Variants in FER1L6 observed in about 807,000 individuals in gnomAD.
The protein encoded by FER1L6 is fer-1 like family member 6.
Under a neutral mutation model 219.2 loss-of-function variants are expected in FER1L6, and 177 were observed. That is an observed-to-expected ratio of 0.81 (90% confidence interval 0.71 to 0.91). The LOEUF (loss-of-function observed/expected upper bound fraction) is 0.91. FER1L6 is among the 40% of genes least tolerant of loss of function. FER1L6 has a pLI of 0.00. For missense variants in FER1L6, 2,153 were observed against 2,259.9 expected (o/e 0.95, Z 0.96); for synonymous variants, 768 against 824.3 (o/e 0.93, Z 1.17).
At chr8:124,099,259 C>T (rs1822444878) in intron 37 of FER1L6, among the ~76,000 whole-genome samples, 1 of 152,216 alleles carries the variant, frequency 6.6e-6, no homozygotes, top group Admixed American at 6.5e-5. Context: ...AATTTTCATT[C>T]TTGACAACTC....
intron 14 of FER1L6, 54 bp downstream of exon 14, chr8:124,010,768 G>A: frequency 5.0e-6 from 8 of 1,598,838 alleles, no homozygotes; most frequent in Non-Finnish European, 6.8e-6. Context: ...GGTGGGGGAA[G>A]GGATTTTTAA....
intron 12 of FER1L6, among the ~76,000 whole-genome samples, chr8:123,991,107 C>G (rs145666065): frequency 6.6e-6 from 1 of 152,194 alleles, no homozygotes; most frequent in Non-Finnish European, 1.5e-5. Context: ...GTTTTAGTAA[C>G]TATATCCTTG....
intron 18 of FER1L6, among the ~76,000 whole-genome samples, chr8:124,024,991 C>T (rs1321016678): frequency 6.6e-6 from 1 of 151,786 alleles, no homozygotes; most frequent in East Asian, 1.9e-4. Flanking sequence ...GTTTGTTGGC[C>T]ATTTGTATAT....
chr8:124,036,597 T>G (rs968177823), intron 19 of FER1L6, among the ~76,000 whole-genome samples: 1 of 152,192 alleles, frequency 6.6e-6, no homozygotes, highest in African/African-American at 2.4e-5. Flanking sequence ...TCTTCCACCA[T>G]ACCTTGAGAG....
At chr8:124,016,571 G>A (rs116847175) in intron 15 of FER1L6, among the ~76,000 whole-genome samples, 1 of 152,100 alleles carries the variant, frequency 6.6e-6, no homozygotes, top group Non-Finnish European at 1.5e-5. Context: ...ACTTTTTTCT[G>A]TGCATTTGGG....
At chr8:124,009,761 G>A (rs748402281) in intron 13 of FER1L6, among the ~76,000 whole-genome samples, 2 of 151,722 alleles carry the variant, frequency 1.3e-5, no homozygotes, top group African/African-American at 2.4e-5. Flanking sequence ...CAGACCCAGC[G>A]AGGAGCCATG....
chr8:123,963,777 C>T (rs1230312826), intron 3 of FER1L6, among the ~76,000 whole-genome samples: 1 of 152,196 alleles, frequency 6.6e-6, no homozygotes, highest in Admixed American at 6.5e-5. Flanking sequence ...TCTTATGCTA[C>T]CCAACAAAAA....
Position 123,945,651 on chromosome 8 carries a change from T to C in FER1L6, c.-7-10341T>C, listed in dbSNP as rs1814454349. Among the ~76,000 whole-genome samples, 8 of 152,244 alleles carry C rather than the reference T, an allele frequency of 5.3e-5. No individual in the cohort carries two copies. In the South Asian group the frequency reaches 1.7e-3, roughly 32 times the overall value. On this transcript the variant is annotated intron_variant, in intron 1 of 40. Transcript: ENST00000522917. The stretch of plus-strand genomic sequence containing the variant: ...TGAGCAATTGCACTGAGTTGCCTCA[T>C]TATATTGCAAATTTTAACTGATTTA...
intron 38 of FER1L6, among the ~76,000 whole-genome samples, chr8:124,102,328 A>C (rs1275309331): frequency 1.3e-5 from 2 of 152,156 alleles, no homozygotes. Flanking sequence ...AAAATATGGG[A>C]ATATCTAATG....
At chr8:124,117,477 A>C (rs1823296033) in intron 39 of FER1L6, among the ~76,000 whole-genome samples, 1 of 152,260 alleles carries the variant, frequency 6.6e-6, no homozygotes, top group African/African-American at 2.4e-5. Flanking sequence ...CTATGGGGCT[A>C]AGATTTCTCA....
At chr8:124,071,735 C>A in intron 31 of FER1L6, 104 bp downstream of exon 31, 1 of 1,407,470 alleles carries the variant, frequency 7.1e-7, no homozygotes, top group Non-Finnish European at 9.6e-7. Context: ...AATTTACTTT[C>A]CCACAGTTTT....
chr8:123,975,839 T>A, intron 8 of FER1L6, 59 bp from the exon 9 acceptor site: 1 of 1,408,214 alleles, frequency 7.1e-7, no homozygotes, highest in Non-Finnish European at 9.6e-7. Flanking sequence ...TGCTCCTGTC[T>A]TTTCTCTCTG....
Position 123,852,851 on chromosome 8 carries a change from G to A in FER1L6, c.-8+666G>A, listed in dbSNP as rs970368772. 6.6e-6 allele frequency among the ~76,000 whole-genome samples: 1 copy of A among 151,996 alleles called. No homozygotes were observed. The highest frequency in any genetic ancestry group is 1.5e-5 in the Non-Finnish European group (1 of 67,994). Reference sequence around the variant, plus strand: ...AGTTTTTCCACGAATGTCTTTTTCTGTTCTAGGAGCCAGTCCAGAATCCCA... The same window carrying A: ...AGTTTTTCCACGAATGTCTTTTTCTATTCTAGGAGCCAGTCCAGAATCCCA... On this transcript the variant is annotated intron_variant, in intron 1 of 40. Transcript: ENST00000522917. The surrounding 1 kb of genome is among the most constrained non-coding windows in gnomAD (Gnocchi z 4.9).
At chr8:123,868,831 G>A (rs1816878321) in intron 1 of FER1L6, among the ~76,000 whole-genome samples, 2 of 152,118 alleles carry the variant, frequency 1.3e-5, no homozygotes, top group African/African-American at 4.8e-5. Context: ...CACCAGGCAG[G>A]AAGTCACCAA....
chr8:124,016,050 A>T (rs1271854009), intron 15 of FER1L6: 2 of 152,858 alleles, frequency 1.3e-5, no homozygotes, highest in Non-Finnish European at 2.9e-5. Context: ...GGTCTGAAAG[A>T]TGAAGAATGA....
At chr8:124,003,413 A>T in intron 13 of FER1L6, 66 bp downstream of exon 13, 2 of 797,546 alleles carry the variant, frequency 2.5e-6, no homozygotes, top group Non-Finnish European at 3.6e-6. Context: ...AGTTTCTAGG[A>T]CTGTTTTCTT....
At chr8:124,079,214 A>G (rs1450135890) in intron 32 of FER1L6, among the ~76,000 whole-genome samples, 1 of 152,174 alleles carries the variant, frequency 6.6e-6, no homozygotes, top group Admixed American at 6.5e-5. Context: ...ACCTCATTAT[A>G]TCTTGATTTA....
chr8:124,072,599 G>C (rs558830318), intron 31 of FER1L6, among the ~76,000 whole-genome samples: 1 of 152,282 alleles, frequency 6.6e-6, no homozygotes, highest in African/African-American at 2.4e-5. Flanking sequence ...TTAATGCTAA[G>C]GGAGAAATAA....
chr8:124,060,162 ACTTGCCT>A lies in FER1L6; in HGVS notation c.2875-17_2875-11del, dbSNP rs1290345844. On this transcript the variant is annotated splice_polypyrimidine_tract_variant and intron_variant, in intron 22 of 40. Transcript: ENST00000522917. ...TGTGTCTCTCCAGCATCTAACTCAT[ACTTGCCT>A]TGTGCGGTAGGTTCCTCCTTCTGGG... The A allele has an allele frequency of 3.8e-6, 6 of 1,595,096 alleles. No individual in the cohort carries two copies. The East Asian group carries it at 8.9e-5, about 24-fold the overall frequency.
Sources: gnomAD v4.1 joint callset for allele counts (sites outside exome capture counted in the v4.1 genomes callset) on GRCh38, gnomAD v4.1.1 for gene constraint, Gnocchi (gnomAD v3.1) non-coding constraint, MANE v1.5 for transcripts, NCBI Gene and HGNC (gene_info 2026-07-23, HGNC 2026-07-21) for gene names.